The following RPS6KA6 variants were observed in gnomAD, a reference collection of about 807,000 sequenced individuals.
The protein encoded by RPS6KA6 is ribosomal protein S6 kinase alpha-6.
A neutral mutation model predicts 65.4 loss-of-function variants in RPS6KA6; 27 were observed. The ratio of observed to expected loss-of-function variants is 0.41; its 90% CI spans 0.30 to 0.57. The LOEUF is 0.57. RPS6KA6 is among the 20% of genes least tolerant of loss of function. RPS6KA6 has a pLI of 0.24. For missense variants in RPS6KA6, 486 were observed against 555.6 expected, an observed-to-expected ratio of 0.87 and a Z score of 1.26; for synonymous variants, 190 against 184.2, an observed-to-expected ratio of 1.03 and a Z score of -0.26.
chrX:84,100,506 CAAGATT>C (rs763688251), intron 18 of RPS6KA6, among the ~76,000 whole-genome samples: 2 of 111,166 alleles, frequency 1.8e-5, no homozygotes, highest in East Asian at 5.6e-4. Flanking sequence ...TTTAGGTCCA[CAAGATT>C]AAGTCAATAT....
chrX:84,073,460 G>C lies in RPS6KA6; in HGVS notation c.1972-8349C>G, dbSNP rs558720947. On this transcript the variant is annotated intron_variant, in intron 20 of 21. Coordinates refer to ENST00000262752, the MANE Select transcript of RPS6KA6 (RefSeq NM_014496.5). ...CATGGGGGAAATGCTTCATGACGTT[G>C]GTTTGGATAAGAATTTTTGGGCAAG... Among the ~76,000 whole-genome samples, 15 of 111,492 alleles carry C rather than the reference G, an allele frequency of 1.3e-4. No individual in the cohort carries two copies. The South Asian group carries it at 5.6e-3, about 42-fold the overall frequency.
At position 84,181,030 on chromosome X, in the gene RPS6KA6, G is replaced by A. The variant is rs1053353877; in HGVS notation, c.81+6789C>T. Among the ~76,000 whole-genome samples the A allele has an allele frequency of 3.6e-5, 4 of 111,488 alleles. No individual in the cohort carries two copies. The East Asian group carries it at 1.1e-3, about 31-fold the overall frequency. On this transcript the variant is annotated intron_variant, in intron 1 of 21. Transcript: ENST00000262752. ...GGTACATAGTTCATGCTCAATAAAC[G>A]CTATTATCTCTTTCTCCCTTAAGAT...
At chrX:84,099,386 A>C (rs182640656) in intron 18 of RPS6KA6, among the ~76,000 whole-genome samples, 103 of 111,286 alleles carry the variant, frequency 9.3e-4, no homozygotes, top group African/African-American at 3.1e-3. Flanking sequence ...TATGTTTCAC[A>C]CCTTTTTACT....
intron 8 of RPS6KA6, among the ~76,000 whole-genome samples, chrX:84,125,559 A>T (rs768851191): frequency 3.6e-5 from 4 of 111,600 alleles, no homozygotes; most frequent in Non-Finnish European, 5.6e-5. Context: ...ATATGCAAAA[A>T]ATAAAGAGAA....
chrX:84,165,993 A>G (rs1007022222), intron 1 of RPS6KA6, among the ~76,000 whole-genome samples: 6 of 112,109 alleles, frequency 5.4e-5, no homozygotes, highest in African/African-American at 1.6e-4. Flanking sequence ...ATGAACCAAC[A>G]CAAGTCCTGG....
intron 3 of RPS6KA6, among the ~76,000 whole-genome samples, chrX:84,151,399 AAAT>A (rs1199433667): frequency 9.1e-6 from 1 of 109,869 alleles, no homozygotes; most frequent in African/African-American, 3.3e-5. Context: ...TCAATGTGGC[AAAT>A]ATACATTTGC....
intron 20 of RPS6KA6, among the ~76,000 whole-genome samples, chrX:84,079,920 T>C (rs1159639996): frequency 8.9e-6 from 1 of 112,121 alleles, no homozygotes; most frequent in Non-Finnish European, 1.9e-5. Flanking sequence ...TAAACGTTCC[T>C]ACCTGCCTAC....
intron 3 of RPS6KA6, among the ~76,000 whole-genome samples, chrX:84,152,034 G>C (rs1290397883): frequency 9.0e-6 from 1 of 111,152 alleles, no homozygotes; most frequent in Non-Finnish European, 1.9e-5. Context: ...AGTGAGAAGA[G>C]GCAAGCAAGG....
At chrX:84,093,131 T>C (rs916170560) in intron 20 of RPS6KA6, among the ~76,000 whole-genome samples, 2 of 111,941 alleles carry the variant, frequency 1.8e-5, no homozygotes, top group African/African-American at 6.5e-5. Flanking sequence ...ATCTAAAACA[T>C]TGTTCTCATA....
In RPS6KA6 at chrX:84,148,044, T is replaced by C; in HGVS notation, c.338A>G (p.Lys113Arg). ...TAATAAACTTTCTAATTTTCTACCT[T>C]TTAAAGAGGCTTTTTTTAACACCTT... is the stretch of plus-strand genomic sequence containing the variant. ...AMKVLKKASL[K>R]VRDRVRTKME... Residue 113 changes from lysine to arginine, a missense_variant and splice_region_variant, in exon 4 of 22, where the codon AAA becomes AGA. Lys to Arg is a conservative substitution (Grantham distance 26). Transcript: ENST00000262752. 8.8e-7 allele frequency: 1 copy of C among 1,142,278 alleles called. No homozygotes were observed. Among genetic ancestry groups the C allele is most frequent in the Non-Finnish European group, 1.2e-6 (1 of 847,978 alleles). The allele number at this position is 1,142,278 out of a possible 1,213,427, so 94.1% of individuals were successfully genotyped here.
intron 8 of RPS6KA6, among the ~76,000 whole-genome samples, chrX:84,132,669 A>G (rs1019205725): frequency 9.2e-6 from 1 of 108,454 alleles, no homozygotes; most frequent in African/African-American, 3.3e-5. Flanking sequence ...TAAGTTTTAT[A>G]ATATAATAAT....
rs373590069 is a variant in RPS6KA6, at chrX:84,156,105, G to C, written c.228C>G (p.Leu76=). The C allele has an allele frequency of 2.5e-6, 3 of 1,192,577 alleles. No homozygotes were observed. The highest frequency in any genetic ancestry group is 3.5e-5 in the African/African-American group (2 of 56,735). The stretch of plus-strand genomic sequence containing the variant: ...CAAATGACCCCTGACCAAGAACCTT[G>C]AGCAACTCAAACTGTGCAGGATCTG... The part of the protein sequence containing the change: ...EKADPAQFEL[L]KVLGQGSFGK... The change falls in exon 3 of 22, where the codon CTC becomes CTG. Residue 76 remains leucine, a synonymous_variant. Transcript: ENST00000262752.
intron 19 of RPS6KA6, among the ~76,000 whole-genome samples, chrX:84,097,196 A>G (rs184942658): frequency 2.1e-4 from 23 of 111,813 alleles, no homozygotes; most frequent in Non-Finnish European, 3.8e-4. Context: ...TTCACTTCTA[A>G]ATAAAAGTGC....
At chrX:84,158,167 C>T (rs1236614318) in intron 2 of RPS6KA6, among the ~76,000 whole-genome samples, 1 of 110,309 alleles carries the variant, frequency 9.1e-6, no homozygotes, top group Non-Finnish European at 1.9e-5. Context: ...ACAAAGAAAT[C>T]TGCTCAATAT....
intron 6 of RPS6KA6, among the ~76,000 whole-genome samples, chrX:84,141,245 T>G (rs1359264846): frequency 9.0e-6 from 1 of 110,624 alleles, no homozygotes; most frequent in Non-Finnish European, 1.9e-5. Context: ...CAATAAAACT[T>G]TATTTACAAA....
At chrX:84,131,237 C>T (rs1455067593) in intron 8 of RPS6KA6, among the ~76,000 whole-genome samples, 1 of 111,601 alleles carries the variant, frequency 9.0e-6, no homozygotes, top group Admixed American at 9.5e-5. Context: ...AGTTTATAAG[C>T]CCTATATTGC....
At chrX:84,154,654 T>TTCA (rs1349306766) in intron 3 of RPS6KA6, among the ~76,000 whole-genome samples, 8 of 109,743 alleles carry the variant, frequency 7.3e-5, no homozygotes, top group African/African-American at 2.6e-4. Context: ...CCCCACCAAC[T>TTCA]TCATCACCAC....
At position 84,058,525 on chromosome X, in the gene RPS6KA6, A is replaced by G. The variant is rs1433513844; in HGVS notation, c.*5752T>C. Reference sequence around the variant, plus strand: ...GCCATTTCTTTAGCAGCATTGTGAGAGAAAGAAACATTGTAAAATGAACTA... The same window carrying G: ...GCCATTTCTTTAGCAGCATTGTGAGGGAAAGAAACATTGTAAAATGAACTA... On this transcript the variant is annotated 3_prime_UTR_variant, in exon 22 of 22. Transcript: ENST00000262752. The G allele has an allele frequency of 8.9e-6, 1 of 112,177 alleles. No homozygotes were observed. Among genetic ancestry groups the G allele is most frequent in the Non-Finnish European group, 1.9e-5 (1 of 53,271 alleles). The allele number at this position is 112,177 out of a possible 1,213,427, so 9.2% of individuals were successfully genotyped here. A position where few individuals can be genotyped will look rare whatever the true frequency, so the allele number is the denominator to read the frequency against.
intron 20 of RPS6KA6, among the ~76,000 whole-genome samples, chrX:84,070,598 C>A (rs2033522377): frequency 9.0e-6 from 1 of 110,890 alleles, no homozygotes; most frequent in African/African-American, 3.3e-5. Context: ...GAAACAAAAT[C>A]ATCGTATGCA....
Sources: allele counts gnomAD v4.1 joint callset (sites outside exome capture counted in the v4.1 genomes callset), GRCh38; gene constraint gnomAD v4.1.1; transcripts MANE v1.5; gene names NCBI Gene and HGNC (gene_info 2026-07-23, HGNC 2026-07-21).